The following DAGLB variants were observed in gnomAD, a reference collection of about 807,000 sequenced individuals.
DAGLB encodes the protein diacylglycerol lipase beta.
In DAGLB, 66 loss-of-function variants were observed where a neutral mutation model predicts 72.1. The observed-to-expected ratio is 0.92, with a 90% CI of 0.75 to 1.12. The LOEUF (loss-of-function observed/expected upper bound fraction) is 1.12, where lower values mean the gene tolerates loss of function less well. Among genes scored for constraint, DAGLB ranks in the 50% most tolerant of loss-of-function variants. The pLI is 0.00. For synonymous variants in DAGLB, 414 were observed against 359.5 expected (o/e 1.15, Z -1.71); for missense variants, 1,065 against 884.9 (o/e 1.20, Z -2.58).
intron 9 of DAGLB, among the ~76,000 whole-genome samples, chr7:6,418,601 G>A (rs751793015): frequency 6.6e-6 from 1 of 152,114 alleles, no homozygotes; most frequent in Non-Finnish European, 1.5e-5. Context: ...GGACGGGGTG[G>A]AGGAAATCCC....
At chr7:6,447,612 T>G (rs1324396623) in intron 1 of DAGLB, 136 bp downstream of exon 1, 3 of 1,261,618 alleles carry the variant, frequency 2.4e-6, no homozygotes, top group East Asian at 2.7e-5. Flanking sequence ...TGGTGAGAAC[T>G]CGATAAGAGG....
intron 13 of DAGLB, among the ~76,000 whole-genome samples, chr7:6,411,975 G>A (rs1337836461): frequency 3.3e-5 from 1 of 30,206 alleles, no homozygotes; most frequent in Non-Finnish European, 4.9e-5. Context: ...ACAGGCTGGA[G>A]TGCGATCTTG....
intron 8 of DAGLB, chr7:6,422,489 G>A (rs1376245218): frequency 1.3e-5 from 2 of 159,530 alleles, no homozygotes; most frequent in South Asian, 1.7e-4. Context: ...GGGGGAGGCT[G>A]CTGGGTAAAG....
chr7:6,433,641 A>G (rs979306489), intron 4 of DAGLB, among the ~76,000 whole-genome samples: 4 of 152,150 alleles, frequency 2.6e-5, no homozygotes, highest in Non-Finnish European at 4.4e-5. Flanking sequence ...GAAGTTCGAG[A>G]CCAGCCTGGC....
chr7:6,419,181 C>T (rs898764330), intron 9 of DAGLB, among the ~76,000 whole-genome samples: 1 of 151,390 alleles, frequency 6.6e-6, no homozygotes, highest in African/African-American at 2.4e-5. Context: ...ACCACCACAC[C>T]CGGCTAATTT....
At chr7:6,436,926 G>A (rs1429809534) in intron 2 of DAGLB, among the ~76,000 whole-genome samples, 1 of 151,982 alleles carries the variant, frequency 6.6e-6, no homozygotes, top group Non-Finnish European at 1.5e-5. Flanking sequence ...AAGGCAGGTA[G>A]ATCACCTGAG....
At chr7:6,442,988 A>G (rs1784878186) in intron 2 of DAGLB, among the ~76,000 whole-genome samples, 1 of 149,356 alleles carries the variant, frequency 6.7e-6, no homozygotes, top group African/African-American at 2.5e-5. Flanking sequence ...CCTGGCTAAC[A>G]CAGTGAAACC....
chr7:6,435,138 C>T (rs999904006), intron 3 of DAGLB, 118 bp from the exon 4 acceptor site: 7 of 1,437,988 alleles, frequency 4.9e-6, no homozygotes, highest in African/African-American at 2.8e-5. Flanking sequence ...GTTCTGTTAC[C>T]GAGGAAGATG....
intron 9 of DAGLB, 39 bp downstream of exon 9, chr7:6,421,688 C>G: frequency 1.3e-6 from 2 of 1,571,784 alleles, no homozygotes; most frequent in Non-Finnish European, 1.7e-6. Flanking sequence ...TCTGTGTGGT[C>G]AGCATTCACA....
chr7:6,410,088 G>T (rs368654531), intron 14 of DAGLB, 42 bp downstream of exon 14: 2 of 1,584,556 alleles, frequency 1.3e-6, no homozygotes, highest in Non-Finnish European at 8.6e-7. Flanking sequence ...CTGACCCCGC[G>T]CTGCTCCTGC....
Position 6,426,046 on chromosome 7 carries a change from A to G in DAGLB, c.998T>C (p.Ile333Thr). ...GDQLNCHFGS[I>T]LHTTGLQYRD... ...GTACTGCAGCCCTGTGGTGTGCAGG[A>G]TGGAGCCGAAGTGACAGTTGAGCTG... The change falls in exon 7 of 15, where the codon ATC (isoleucine) becomes ACC (threonine). Residue 333 changes from isoleucine to threonine, a missense_variant. Coordinates refer to ENST00000297056, the MANE Select transcript of DAGLB (RefSeq NM_139179.4). 6.2e-7 allele frequency: 1 copy of G among 1,614,142 alleles called. No homozygotes were observed. The highest frequency in any genetic ancestry group is 8.5e-7 in the Non-Finnish European group (1 of 1,180,024).
rs1447844680 is a variant in DAGLB at position 6,421,759 on chromosome 7, C to A, written c.1186G>T (p.Glu396Ter). The A allele has an allele frequency of 1.2e-6, 2 of 1,613,246 alleles. No homozygotes were observed. Among genetic ancestry groups the A allele is most frequent in the South Asian group, 2.2e-5 (2 of 91,060 alleles). Residue 396 changes from glutamate to a stop codon, truncating the protein, a stop_gained, in exon 9 of 15, where the codon GAG becomes TAG. Transcript: ENST00000297056. LOFTEE classifies it high-confidence loss of function. ...GCCAGGCGGTCCTGCACCTCACACT[C>A]CACGTCCAGCACCTCACTCTCCGCT... The part of the protein sequence containing the change: ...LSAESEVLDV[E>*]CEVQDRLAHK...
chr7:6,446,401 C>T (rs1785001415), intron 1 of DAGLB, among the ~76,000 whole-genome samples: 1 of 127,142 alleles, frequency 7.9e-6, no homozygotes. Context: ...TTGCTTGAAC[C>T]TGGGACGTGG....
chr7:6,411,782 C>T (rs1027509715), intron 13 of DAGLB, among the ~76,000 whole-genome samples: 5 of 152,172 alleles, frequency 3.3e-5, no homozygotes, highest in African/African-American at 9.7e-5. Flanking sequence ...CCTTGGCATA[C>T]GTATTTTCAA....
intron 9 of DAGLB, among the ~76,000 whole-genome samples, chr7:6,420,477 G>C (rs1156968794): frequency 6.6e-6 from 1 of 151,684 alleles, no homozygotes; most frequent in Non-Finnish European, 1.5e-5. Context: ...ACTGACAAAA[G>C]GACAAATCCT....
rs552184583 is a variant in DAGLB at position 6,441,009 on chromosome 7, G to A, written c.248-4476C>T. Among the ~76,000 whole-genome samples the A allele has an allele frequency of 4.6e-5, 7 of 152,004 alleles. No homozygotes were observed. The South Asian group carries it at 1.5e-3, about 32-fold the overall frequency. ...GAGTTTCCCTCTTGTGAAAGTGCTG[G>A]GGTTACAGGCATGAGCCACCGCTCC... On this transcript the variant is annotated intron_variant, in intron 2 of 14. Coordinates refer to ENST00000297056, the MANE Select transcript of DAGLB (RefSeq NM_139179.4).
chr7:6,430,960 G>A (rs571763746), intron 5 of DAGLB, among the ~76,000 whole-genome samples: 8 of 152,128 alleles, frequency 5.3e-5, no homozygotes, highest in Non-Finnish European at 1.0e-4. Flanking sequence ...ATTTTTAGTA[G>A]AGACGGGGTT....
intron 11 of DAGLB, among the ~76,000 whole-genome samples, 191 bp from the exon 12 acceptor site, chr7:6,413,225 A>G (rs1183401743): frequency 6.6e-6 from 1 of 152,186 alleles, no homozygotes; most frequent in Admixed American, 6.5e-5. Flanking sequence ...AAGCCACAAT[A>G]TGTGTTCAAC....
intron 5 of DAGLB, among the ~76,000 whole-genome samples, chr7:6,431,306 TAAC>T (rs1440284587): frequency 6.6e-6 from 1 of 151,954 alleles, no homozygotes; most frequent in East Asian, 1.9e-4. Context: ...CTCAAAAACA[TAAC>T]AACCTGTGGC....
Sources: gnomAD v4.1 joint callset for allele counts (sites outside exome capture counted in the v4.1 genomes callset) on GRCh38, gnomAD v4.1.1 for gene constraint, MANE v1.5 for transcripts, NCBI Gene and HGNC (gene_info 2026-07-23, HGNC 2026-07-21) for gene names.